CCDC146: variants seen among roughly 807,000 people sequenced by gnomAD.
CCDC146 encodes the protein coiled-coil domain containing 146, also known as coiled-coil domain-containing protein 146.
A neutral mutation model predicts 119.3 loss-of-function variants in CCDC146; 92 were observed. The observed-to-expected ratio is 0.77, with a 90% CI of 0.65 to 0.92. CCDC146 has a LOEUF of 0.92. Ranked by LOEUF, CCDC146 falls within the 40% of genes least tolerant of loss-of-function variation. The pLI, the probability that CCDC146 is intolerant of heterozygous loss-of-function variation, is 0.00. For missense variants in CCDC146, 1,000 were observed against 1,103.0 expected, an observed-to-expected ratio of 0.91 and a Z score of 1.32; for synonymous variants, 372 against 371.8, an observed-to-expected ratio of 1.00 and a Z score of -0.01.
intron 17 of CCDC146, among the ~76,000 whole-genome samples, chr7:77,289,511 C>A (rs1293701172): frequency 6.6e-6 from 1 of 152,136 alleles, no homozygotes; most frequent in Non-Finnish European, 1.5e-5. Context: ...GATTCCAGAT[C>A]TATGATTTAT....
intron 9 of CCDC146, among the ~76,000 whole-genome samples, chr7:77,264,614 C>A (rs548213611): frequency 6.6e-6 from 1 of 152,330 alleles, no homozygotes; most frequent in South Asian, 2.1e-4. Context: ...ATATACACAG[C>A]ACATACTTTT....
chr7:77,271,513 GATAT>G lies in CCDC146; in HGVS notation c.1174-2128_1174-2125del, dbSNP rs56661430. Among the ~76,000 whole-genome samples, 223 of 71,186 alleles carry G rather than the reference GATAT, an allele frequency of 3.1e-3. 1 individual carries two copies. The highest frequency in any genetic ancestry group is 5.0e-3 in the African/African-American group (94 of 18,712). 46.7% of individuals were successfully genotyped at this position (71,186 alleles called of 152,430 possible). On this transcript the variant is annotated intron_variant, in intron 9 of 18. Transcript: ENST00000285871. Reference sequence around the variant, plus strand: ...TATATATACACACACACTAATAGGAGATATATATATATATATATATATATATATA... The same window carrying G: ...TATATATACACACACACTAATAGGAGATATATATATATATATATATATATA...
At chr7:77,223,595 G>A (rs1792447346) in intron 2 of CCDC146, among the ~76,000 whole-genome samples, 1 of 152,246 alleles carries the variant, frequency 6.6e-6, no homozygotes, top group South Asian at 2.1e-4. Flanking sequence ...CCAGGCCTAT[G>A]GACAGGCCAA....
Position 77,265,381 on chromosome 7 carries a change from T to C in CCDC146, c.1173+3074T>C, listed in dbSNP as rs558206465. On this transcript the variant is annotated intron_variant, in intron 9 of 18. Coordinates refer to ENST00000285871, the MANE Select transcript of CCDC146 (RefSeq NM_020879.3). ...CTTTAATAACCAATTTTGGTAGTTA[T>C]GGTAGTAAGTAAAGTTAATCCATTC... Among the ~76,000 whole-genome samples the C allele has an allele frequency of 3.9e-5, 6 of 152,360 alleles. No individual in the cohort carries two copies. The East Asian group carries it at 7.7e-4, about 20-fold the overall frequency.
chr7:77,143,267 AT>A (rs58060623), intron 1 of CCDC146, among the ~76,000 whole-genome samples: 5,782 of 151,228 alleles, frequency 0.038, 512 homozygotes, highest in African/African-American at 0.13. Context: ...GGGTTGTTTG[AT>A]TTTTTTCTTA....
At chr7:77,292,692 C>T (rs895204818) in intron 17 of CCDC146, among the ~76,000 whole-genome samples, 1 of 151,994 alleles carries the variant, frequency 6.6e-6, no homozygotes, top group Non-Finnish European at 1.5e-5. Flanking sequence ...AACTGTTCTC[C>T]TCAATGTTAT....
Position 77,282,698 on chromosome 7 carries a change from T to G in CCDC146, c.2061T>G (p.Ala687=), listed in dbSNP as rs768663869. The G allele has an allele frequency of 6.2e-6, 10 of 1,614,086 alleles. No homozygotes were observed. The South Asian group carries it at 9.9e-5, about 16-fold the overall frequency. ...EKIQFLKMKI[A]EKQRQICVTQ... The stretch of plus-strand genomic sequence containing the variant: ...TCCAATTCCTGAAAATGAAGATTGC[T>G]GAGAAGCAAAGACAAATTTGTGTGA... Residue 687 remains alanine, a synonymous_variant, in exon 15 of 19, where the codon GCT becomes GCG. Transcript: ENST00000285871.
chr7:77,164,774 CCTGA>C (rs1049163598), intron 1 of CCDC146, among the ~76,000 whole-genome samples: 6 of 152,142 alleles, frequency 3.9e-5, no homozygotes, highest in African/African-American at 1.2e-4. Flanking sequence ...TCTGTGACCA[CCTGA>C]CTAATACATT....
chr7:77,256,414 A>G lies in CCDC146; in HGVS notation c.589A>G (p.Lys197Glu), dbSNP rs1199246712. 6.2e-7 allele frequency: 1 copy of G among 1,607,376 alleles called. No individual in the cohort carries two copies. The highest frequency in any genetic ancestry group is 1.3e-5 in the African/African-American group (1 of 74,540). The change falls in exon 6 of 19, where the codon AAA (lysine) becomes GAA (glutamate). Residue 197 changes from lysine (K) to glutamate (E), a missense_variant. Physicochemically the swap from Lys to Glu is moderately conservative, Grantham distance 56. This residue lies in a region of CCDC146 where 985 missense variants were observed against 1,045.3 expected (regional missense o/e 0.94). Coordinates refer to ENST00000285871, the MANE Select transcript of CCDC146 (RefSeq NM_020879.3). ...AATAATGCAGAAGAAATTAGAAATT[A>G]AAAATTTACGAGAAGATTTGGCATC... ...KEIMQKKLEIKNLREDLASKQ... is the reference protein window; with the variant it reads ...KEIMQKKLEIENLREDLASKQ...
chr7:77,282,811 C>T, intron 15 of CCDC146, 26 bp downstream of exon 15: 1 of 1,492,254 alleles, frequency 6.7e-7, no homozygotes, highest in Non-Finnish European at 9.3e-7. Flanking sequence ...CGGGACACTT[C>T]CTCAGACCAT....
chr7:77,261,689 G>A (rs1294032463), intron 8 of CCDC146, among the ~76,000 whole-genome samples: 1 of 152,056 alleles, frequency 6.6e-6, no homozygotes, highest in Non-Finnish European at 1.5e-5. Flanking sequence ...GTGTTAGCCA[G>A]GATGGTCTCG....
chr7:77,160,744 A>T (rs1672499285), intron 1 of CCDC146, among the ~76,000 whole-genome samples: 1 of 152,132 alleles, frequency 6.6e-6, no homozygotes, highest in South Asian at 2.1e-4. Flanking sequence ...CTCTTTTCCT[A>T]ATTGAATACC....
intron 2 of CCDC146, among the ~76,000 whole-genome samples, chr7:77,203,046 A>G (rs918940010): frequency 9.5e-5 from 8 of 83,976 alleles, no homozygotes; most frequent in Non-Finnish European, 2.0e-4. Context: ...CCCCCCCCCC[A>G]GGACTATTTT....
At chr7:77,245,762 C>T (rs1792937547) in intron 4 of CCDC146, among the ~76,000 whole-genome samples, 2 of 151,874 alleles carry the variant, frequency 1.3e-5, no homozygotes, top group Admixed American at 1.3e-4. Context: ...ATGATCTTAG[C>T]AACACATCTG....
chr7:77,155,218 A>G (rs1791163149), intron 1 of CCDC146, among the ~76,000 whole-genome samples: 2 of 152,202 alleles, frequency 1.3e-5, no homozygotes, highest in Admixed American at 6.5e-5. Context: ...CACACTGTGT[A>G]TATGTGAAGG....
At chr7:77,259,130 C>G (rs190448729) in intron 7 of CCDC146, 62 bp downstream of exon 7, 2 of 953,510 alleles carry the variant, frequency 2.1e-6, no homozygotes, top group Non-Finnish European at 3.3e-6. Flanking sequence ...CACACTAGAA[C>G]AAGAGTACTA....
chr7:77,282,765 C>T lies in CCDC146; in HGVS notation c.2128C>T (p.Leu710=). 1.2e-6 allele frequency: 2 copies of T among 1,613,778 alleles called. No homozygotes were observed. The highest frequency in any genetic ancestry group is 1.7e-6 in the Non-Finnish European group (2 of 1,179,732). The change falls in exon 15 of 19, where the codon CTA becomes TTA. Residue 710 remains leucine, a synonymous_variant. Coordinates refer to ENST00000285871, the MANE Select transcript of CCDC146 (RefSeq NM_020879.3). ...AGCCAAGAGGTCCCTGGATGCCGACCTAGCTGTGCTCCAAATTCAGGTGGG... is the reference window on the plus strand; with the variant it reads ...AGCCAAGAGGTCCCTGGATGCCGACTTAGCTGTGCTCCAAATTCAGGTGGG... ...LPAKRSLDAD[L]AVLQIQFSQC...
chr7:77,259,130 C>T lies in CCDC146; in HGVS notation c.758+62C>T, dbSNP rs190448729. On this transcript the variant is annotated intron_variant, in intron 7 of 18. Transcript: ENST00000285871. ...TCCAAGTTATGTGTGCACACTAGAA[C>T]AAGAGTACTAACCATTGGACACATT... 0.011 allele frequency: 10,582 copies of T among 953,584 alleles called. 434 individuals are homozygous for T. The East Asian group carries it at 0.12, about 11-fold the overall frequency. 59.1% of individuals were successfully genotyped at this position (953,584 alleles called of 1,614,324 possible). A position where few individuals can be genotyped will look rare whatever the true frequency, so the allele number is the denominator to read the frequency against.
At chr7:77,286,648 C>A in intron 15 of CCDC146, 150 bp from the exon 16 acceptor site, 1 of 692,250 alleles carries the variant, frequency 1.4e-6, no homozygotes, top group Non-Finnish European at 2.5e-6. Context: ...TAACCAGGTC[C>A]CAGCTGATGG....
Sources: gnomAD v4.1 joint callset for allele counts (sites outside exome capture counted in the v4.1 genomes callset) on GRCh38, gnomAD v4.1.1 for gene constraint, gnomAD v4.1.1 regional missense constraint, MANE v1.5 for transcripts, NCBI Gene and HGNC (gene_info 2026-07-23, HGNC 2026-07-21) for gene names.